ESRRG: variants seen among roughly 807,000 people sequenced by gnomAD.
ESRRG encodes estrogen related receptor gamma.
In ESRRG, 13 loss-of-function variants were observed where a neutral mutation model predicts 44.0. The observed-to-expected ratio is 0.30, with a 90% CI of 0.19 to 0.47. The LOEUF (loss-of-function observed/expected upper bound fraction) is 0.47. Ranked by LOEUF, ESRRG falls within the 20% of genes least tolerant of loss-of-function variation. ESRRG has a pLI of 1.00. For synonymous variants in ESRRG, 215 were observed against 214.6 expected, an observed-to-expected ratio of 1.00 and a Z score of -0.02; for missense variants, 395 against 580.6, an observed-to-expected ratio of 0.68 and a Z score of 3.29.
chr1:216,814,292 A>G (rs570555171), intron 2 of ESRRG, among the ~76,000 whole-genome samples: 1 of 152,320 alleles, frequency 6.6e-6, no homozygotes, highest in South Asian at 2.1e-4. Flanking sequence ...TTGGGGTGGA[A>G]GAGAATTCCA....
chr1:216,873,209 GTT>G (rs754735743), intron 2 of ESRRG, among the ~76,000 whole-genome samples: 2 of 105,930 alleles, frequency 1.9e-5, no homozygotes, highest in East Asian at 2.9e-4. Context: ...CATCTTTTCA[GTT>G]TTTTTTTTTT....
At chr1:216,768,460 A>ATCTG (rs1214320472) in intron 2 of ESRRG, among the ~76,000 whole-genome samples, 50 of 145,028 alleles carry the variant, frequency 3.4e-4, no homozygotes, top group African/African-American at 8.6e-4. Flanking sequence ...TTATCTATCT[A>ATCTG]TCTATCTATC....
At chr1:216,875,661 T>C (rs1453699337) in intron 2 of ESRRG, among the ~76,000 whole-genome samples, 1 of 152,082 alleles carries the variant, frequency 6.6e-6, no homozygotes, top group Non-Finnish European at 1.5e-5. Context: ...CATTTATTAC[T>C]TCATTCTCAT....
intron 1 of ESRRG, among the ~76,000 whole-genome samples, chr1:217,127,712 G>A (rs1024742393): frequency 3.9e-5 from 6 of 152,098 alleles, no homozygotes; most frequent in African/African-American, 1.4e-4. Context: ...CCCTGCCTCA[G>A]TTTTCTAACT....
chr1:216,599,851 A>T (rs1234665576), intron 3 of ESRRG, among the ~76,000 whole-genome samples: 1 of 151,982 alleles, frequency 6.6e-6, no homozygotes, highest in Non-Finnish European at 1.5e-5. Context: ...GAGAAGAAAA[A>T]GGTACCCTAT....
chr1:217,001,719 G>A (rs916344825), intron 1 of ESRRG, among the ~76,000 whole-genome samples: 1 of 152,172 alleles, frequency 6.6e-6, no homozygotes, highest in Non-Finnish European at 1.5e-5. Context: ...AGGAGTTAGA[G>A]TGGAGGTCAG....
At chr1:216,633,013 T>C (rs777108436) in intron 3 of ESRRG, among the ~76,000 whole-genome samples, 53 of 152,220 alleles carry the variant, frequency 3.5e-4, no homozygotes, top group Admixed American at 3.3e-4. Flanking sequence ...AGATCTCAAA[T>C]TGAGCTATCC....
chr1:216,877,137 T>C (rs2096367889), intron 2 of ESRRG, among the ~76,000 whole-genome samples: 3 of 152,198 alleles, frequency 2.0e-5, no homozygotes, highest in South Asian at 2.1e-4. Flanking sequence ...GATCCCCCAA[T>C]TGTACTCATC....
At chr1:217,076,993 G>A (rs10863294) in intron 1 of ESRRG, 44,882 of 151,948 alleles carry the variant, frequency 0.3, 6,865 homozygotes, top group East Asian at 0.54. Flanking sequence ...GAAGAAGGGG[G>A]AGAAAATAAA....
intron 2 of ESRRG, among the ~76,000 whole-genome samples, chr1:216,782,634 C>G (rs1234823718): frequency 6.6e-6 from 1 of 152,004 alleles, no homozygotes; most frequent in East Asian, 1.9e-4. Flanking sequence ...TGAACTAGTT[C>G]TTTATTTAAA....
At chr1:216,779,468 A>G (rs866005935) in intron 2 of ESRRG, among the ~76,000 whole-genome samples, 12 of 65,040 alleles carry the variant, frequency 1.8e-4, no homozygotes, top group African/African-American at 8.3e-4. Context: ...AAATATAAAT[A>G]TATATTTATA....
At chr1:216,512,580 A>G (rs1262558074) in intron 6 of ESRRG, among the ~76,000 whole-genome samples, 3 of 152,168 alleles carry the variant, frequency 2.0e-5, no homozygotes, top group Non-Finnish European at 4.4e-5. Flanking sequence ...TAGGATAGTG[A>G]TTACTTTTGT....
At chr1:216,659,412 G>A (rs2071655509) in intron 2 of ESRRG, among the ~76,000 whole-genome samples, 1 of 152,212 alleles carries the variant, frequency 6.6e-6, no homozygotes, top group African/African-American at 2.4e-5. Flanking sequence ...AAGTGAGTTT[G>A]TGAGGCATCA....
At chr1:216,699,351 T>C (rs371768719) in intron 1 of ESRRG, among the ~76,000 whole-genome samples, 4 of 152,268 alleles carry the variant, frequency 2.6e-5, no homozygotes, top group Non-Finnish European at 5.9e-5. Flanking sequence ...ATCTAAAAAG[T>C]TGGCATTCTT....
chr1:216,793,743 G>C (rs998251676), intron 2 of ESRRG, among the ~76,000 whole-genome samples: 1 of 152,098 alleles, frequency 6.6e-6, no homozygotes, highest in Non-Finnish European at 1.5e-5. Context: ...AAAGCAAAAG[G>C]TACTATAGGT....
chr1:216,705,537 C>T (rs2082281917), intron 1 of ESRRG, among the ~76,000 whole-genome samples: 1 of 152,062 alleles, frequency 6.6e-6, no homozygotes, highest in South Asian at 2.1e-4. Context: ...CCTGGAATTG[C>T]CCATATTTGA....
intron 5 of ESRRG, among the ~76,000 whole-genome samples, chr1:216,521,767 A>G (rs1260765254): frequency 6.6e-6 from 1 of 152,182 alleles, no homozygotes; most frequent in Non-Finnish European, 1.5e-5. Flanking sequence ...TATCAGGGCC[A>G]GCACTTTTAC....
At chr1:217,063,459 G>A (rs1416527) in intron 1 of ESRRG, among the ~76,000 whole-genome samples, 91,520 of 151,982 alleles carry the variant, frequency 0.6, 27,749 homozygotes, top group East Asian at 0.78. Context: ...CTCCTCACAC[G>A]TGTTAACAAT....
chr1:216,785,139 A>G (rs2094080068), intron 2 of ESRRG, among the ~76,000 whole-genome samples: 1 of 152,240 alleles, frequency 6.6e-6, no homozygotes, highest in South Asian at 2.1e-4. Context: ...TTAGAATTTA[A>G]AAATCTTTAG....
Sources: gnomAD v4.1 joint callset for allele counts (sites outside exome capture counted in the v4.1 genomes callset) on GRCh38, gnomAD v4.1.1 for gene constraint, MANE v1.5 for transcripts, NCBI Gene and HGNC (gene_info 2026-07-23, HGNC 2026-07-21) for gene names.